Variants in CDH4 observed in about 807,000 individuals in gnomAD.
CDH4 encodes the protein cadherin 4.
CDH4 carries 33 observed loss-of-function variants against 86.0 expected under a neutral mutation model. That is an observed-to-expected ratio of 0.38 (90% CI 0.29 to 0.51). The LOEUF (loss-of-function observed/expected upper bound fraction) is 0.51. Among genes scored for constraint, CDH4 ranks in the 20% least tolerant of loss-of-function variants. CDH4 has a pLI of 0.86. For missense variants in CDH4, 1,114 were observed against 1,307.4 expected, an observed-to-expected ratio of 0.85 and a Z score of 2.28; for synonymous variants, 555 against 549.4, an observed-to-expected ratio of 1.01 and a Z score of -0.14.
At chr20:61,421,213 G>T (rs1423210909) in intron 2 of CDH4, among the ~76,000 whole-genome samples, 3 of 152,210 alleles carry the variant, frequency 2.0e-5, no homozygotes, top group African/African-American at 7.2e-5. Context: ...GCTGGTGGCT[G>T]CATGGCAGCG....
intron 2 of CDH4, among the ~76,000 whole-genome samples, chr20:61,735,203 C>T (rs1013797546): frequency 7.9e-5 from 12 of 152,282 alleles, no homozygotes; most frequent in South Asian, 6.2e-4. Flanking sequence ...GTTGGGGCCC[C>T]GTGGGCACAG....
chr20:61,683,317 G>A (rs567667886), intron 2 of CDH4, among the ~76,000 whole-genome samples: 2 of 152,194 alleles, frequency 1.3e-5, no homozygotes, highest in South Asian at 4.1e-4. Context: ...AGAAAGAAAC[G>A]ATCACAAGAG....
chr20:61,894,847 T>C, intron 7 of CDH4, 63 bp from the exon 8 acceptor site: 1 of 1,537,082 alleles, frequency 6.5e-7, no homozygotes, highest in Non-Finnish European at 8.8e-7. Flanking sequence ...TTTTGATAAG[T>C]GCCCTGTCAA....
chr20:61,418,241 C>T (rs1262774429), intron 2 of CDH4, among the ~76,000 whole-genome samples: 12 of 148,064 alleles, frequency 8.1e-5, no homozygotes, highest in African/African-American at 2.3e-4. Context: ...GACAGAGTCT[C>T]GCTCTGTCCC....
At chr20:61,422,937 T>C (rs1304233225) in intron 2 of CDH4, among the ~76,000 whole-genome samples, 1 of 152,106 alleles carries the variant, frequency 6.6e-6, no homozygotes, top group Non-Finnish European at 1.5e-5. Flanking sequence ...AAAAAACCCA[T>C]GCGATAAGGG....
At chr20:61,585,867 ATGATGG>A (rs2086466568) in intron 2 of CDH4, among the ~76,000 whole-genome samples, 1 of 149,142 alleles carries the variant, frequency 6.7e-6, no homozygotes, top group Non-Finnish European at 1.5e-5. Context: ...GGTGATGAAG[ATGATGG>A]TGATGGTGAT....
At chr20:61,570,562 CTTT>C (rs111228520) in intron 2 of CDH4, 3 of 662,824 alleles carry the variant, frequency 4.5e-6, no homozygotes, top group Non-Finnish European at 2.8e-6. Context: ...CAAGCGTTGA[CTTT>C]TGTGGCTTCC....
intron 2 of CDH4, among the ~76,000 whole-genome samples, chr20:61,324,592 C>CAGCAGTCA (rs1279037934): frequency 2.0e-5 from 3 of 152,308 alleles, no homozygotes; most frequent in Non-Finnish European, 1.5e-5. Context: ...CTTGTAAGGA[C>CAGCAGTCA]AGCAGTCATG....
chr20:61,680,317 G>A (rs75255923), intron 2 of CDH4, among the ~76,000 whole-genome samples: 1,747 of 152,332 alleles, frequency 0.011, 28 homozygotes, highest in African/African-American at 0.039. Flanking sequence ...TGTGGGACCC[G>A]CACTAGGGCT....
intron 4 of CDH4, among the ~76,000 whole-genome samples, chr20:61,840,832 C>T (rs1433290797): frequency 6.6e-6 from 1 of 152,366 alleles, no homozygotes; most frequent in Non-Finnish European, 1.5e-5. Flanking sequence ...ATGCTCAGAG[C>T]CCGTGGATGC....
intron 2 of CDH4, among the ~76,000 whole-genome samples, chr20:61,560,596 T>C (rs1433361482): frequency 6.6e-6 from 1 of 152,198 alleles, no homozygotes; most frequent in East Asian, 1.9e-4. Context: ...CTCCAGCGCC[T>C]TCATGTGGAA....
intron 2 of CDH4, among the ~76,000 whole-genome samples, chr20:61,263,634 A>G (rs960176359): frequency 1.3e-5 from 2 of 152,200 alleles, no homozygotes; most frequent in African/African-American, 4.8e-5. Flanking sequence ...TTAGATTACA[A>G]ATTGTATTAT....
At chr20:61,866,719 T>C (rs1983565975) in intron 6 of CDH4, among the ~76,000 whole-genome samples, 1 of 152,220 alleles carries the variant, frequency 6.6e-6, no homozygotes, top group African/African-American at 2.4e-5. Flanking sequence ...TGCCTTTAGA[T>C]GTTTCCCGGT....
chr20:61,471,548 A>T (rs2085503638), intron 2 of CDH4, among the ~76,000 whole-genome samples: 1 of 146,506 alleles, frequency 6.8e-6, no homozygotes, highest in African/African-American at 2.5e-5. Context: ...TATTTCTTCT[A>T]CTAATTTTTG....
chr20:61,422,640 G>C (rs1475421639), intron 2 of CDH4, among the ~76,000 whole-genome samples: 1 of 152,084 alleles, frequency 6.6e-6, no homozygotes, highest in African/African-American at 2.4e-5. Flanking sequence ...CCATGCAGGA[G>C]AACTTACGGA....
At chr20:61,756,422 C>T (rs759324815) in intron 3 of CDH4, among the ~76,000 whole-genome samples, 9 of 152,106 alleles carry the variant, frequency 5.9e-5, no homozygotes, top group Non-Finnish European at 1.3e-4. Flanking sequence ...GCAGGGAGCT[C>T]AGGAGAGGCC....
At chr20:61,693,456 G>A (rs1302135029) in intron 2 of CDH4, among the ~76,000 whole-genome samples, 1 of 152,186 alleles carries the variant, frequency 6.6e-6, no homozygotes, top group Non-Finnish European at 1.5e-5. Context: ...GTGGGGCAGC[G>A]AGCAGATGAC....
chr20:61,381,422 T>C (rs893175322), intron 2 of CDH4, among the ~76,000 whole-genome samples: 9 of 152,242 alleles, frequency 5.9e-5, no homozygotes, highest in South Asian at 2.1e-4. Flanking sequence ...TCATTGCACA[T>C]AACCTAGCAG....
At chr20:61,784,744 C>T (rs1294217209) in intron 4 of CDH4, among the ~76,000 whole-genome samples, 1 of 140,334 alleles carries the variant, frequency 7.1e-6, no homozygotes, top group African/African-American at 2.9e-5. Flanking sequence ...TATCCTGTGC[C>T]CCCAGGAGAA....
Sources: gnomAD v4.1 joint callset for allele counts (sites outside exome capture counted in the v4.1 genomes callset) on GRCh38, gnomAD v4.1.1 for gene constraint, MANE v1.5 for transcripts, NCBI Gene and HGNC (gene_info 2026-07-23, HGNC 2026-07-21) for gene names.